The following SNCAIP variants were observed in gnomAD, a reference collection of about 807,000 sequenced individuals.
SNCAIP encodes the protein synphilin-1.
A neutral mutation model predicts 86.7 loss-of-function variants in SNCAIP; 43 were observed. The ratio of observed to expected loss-of-function variants is 0.50; its 90% CI spans 0.39 to 0.64. SNCAIP has a LOEUF of 0.64. SNCAIP is among the 30% of genes least tolerant of loss of function. The probability of loss-of-function intolerance (pLI) is 0.00; values close to 1 mark genes in which losing one functional copy is unlikely to be tolerated. For missense variants in SNCAIP, 981 were observed against 1,103.1 expected (o/e 0.89, Z 1.57); for synonymous variants, 417 against 427.2 (o/e 0.98, Z 0.29).
intron 1 of SNCAIP, among the ~76,000 whole-genome samples, chr5:122,381,033 G>A (rs1766641505): frequency 6.7e-6 from 1 of 149,798 alleles, no homozygotes; most frequent in Non-Finnish European, 1.5e-5. Flanking sequence ...TTGGGGTGGA[G>A]AGTTCTGTAG....
intron 1 of SNCAIP, among the ~76,000 whole-genome samples, chr5:122,348,782 C>T (rs1327035291): frequency 6.6e-6 from 1 of 151,974 alleles, no homozygotes; most frequent in Non-Finnish European, 1.5e-5. Context: ...ATGTCAGAAT[C>T]AAAAGATGAG....
At chr5:122,384,898 C>T (rs765723656) in intron 1 of SNCAIP, among the ~76,000 whole-genome samples, 13 of 152,182 alleles carry the variant, frequency 8.5e-5, no homozygotes, top group Admixed American at 1.3e-4. Flanking sequence ...GCTTCAAGAC[C>T]GCTTTGTAGA....
At chr5:122,363,769 A>G (rs1438060663) in intron 1 of SNCAIP, among the ~76,000 whole-genome samples, 1 of 150,556 alleles carries the variant, frequency 6.6e-6, no homozygotes, top group Non-Finnish European at 1.5e-5. Context: ...CATCTGAAAA[A>G]ATAAGCATTT....
intron 3 of SNCAIP, among the ~76,000 whole-genome samples, chr5:122,422,010 GAAAA>G (rs377501212): frequency 2.4e-5 from 1 of 42,216 alleles, no homozygotes; most frequent in Non-Finnish European, 5.0e-5. Flanking sequence ...ACAGAAATTA[GAAAA>G]AAAAAAAAAA....
chr5:122,463,423 AGTGGTATT>A, intron 10 of SNCAIP, 60 bp from the exon 11 acceptor site: 2 of 887,098 alleles, frequency 2.3e-6, no homozygotes, highest in Non-Finnish European at 1.9e-6. Context: ...TGAGCTGTTT[AGTGGTATT>A]GTCTTGTAAC....
intron 1 of SNCAIP, among the ~76,000 whole-genome samples, chr5:122,319,299 G>T (rs1299319930): frequency 6.6e-6 from 1 of 151,936 alleles, no homozygotes; most frequent in Non-Finnish European, 1.5e-5. Flanking sequence ...TTGAAATTAA[G>T]ATCAGTTTCT....
chr5:122,449,653 A>G (rs1041088808), intron 8 of SNCAIP, among the ~76,000 whole-genome samples, 192 bp from the exon 9 acceptor site: 3 of 152,182 alleles, frequency 2.0e-5, no homozygotes, highest in Non-Finnish European at 2.9e-5. Context: ...TTGACAATAC[A>G]TATCTTTTTG....
At chr5:122,450,376 G>C (rs937803550) in intron 9 of SNCAIP, among the ~76,000 whole-genome samples, 157 bp from the exon 10 acceptor site, 1 of 152,182 alleles carries the variant, frequency 6.6e-6, no homozygotes, top group African/African-American at 2.4e-5. Context: ...TGATACTATG[G>C]AGTATTTGCA....
At chr5:122,431,791 G>A (rs1778459317) in intron 5 of SNCAIP, among the ~76,000 whole-genome samples, 178 bp from the exon 6 acceptor site, 1 of 151,952 alleles carries the variant, frequency 6.6e-6, no homozygotes, top group South Asian at 2.1e-4. Flanking sequence ...TTGATTTCGA[G>A]CCAAATCCAC....
At chr5:122,430,787 A>C (rs992863778) in intron 5 of SNCAIP, among the ~76,000 whole-genome samples, 2 of 152,096 alleles carry the variant, frequency 1.3e-5, no homozygotes, top group Non-Finnish European at 2.9e-5. Context: ...GACTATAAGA[A>C]AATCCTACTC....
At chr5:122,377,152 G>A (rs1451452107) in intron 1 of SNCAIP, among the ~76,000 whole-genome samples, 1 of 152,064 alleles carries the variant, frequency 6.6e-6, no homozygotes, top group Non-Finnish European at 1.5e-5. Context: ...TTCTTAGAGA[G>A]GAAAGCTTTT....
At chr5:122,314,823 G>A (rs534462952) in intron 1 of SNCAIP, among the ~76,000 whole-genome samples, 2 of 152,148 alleles carry the variant, frequency 1.3e-5, no homozygotes, top group Non-Finnish European at 2.9e-5. Flanking sequence ...TAGGCCCTGG[G>A]AAAGTACTAA....
At chr5:122,398,621 T>A (rs1264015305) in intron 2 of SNCAIP, among the ~76,000 whole-genome samples, 1 of 152,158 alleles carries the variant, frequency 6.6e-6, no homozygotes, top group Non-Finnish European at 1.5e-5. Context: ...ACCATGGTTG[T>A]TTGGATGGCT....
chr5:122,436,476 A>G (rs1001588774), intron 6 of SNCAIP: 2 of 152,224 alleles, frequency 1.3e-5, no homozygotes, highest in Non-Finnish European at 2.9e-5. Context: ...CAAAGGAATT[A>G]TTAAGGCCAT....
intron 1 of SNCAIP, among the ~76,000 whole-genome samples, chr5:122,369,028 G>C (rs1457920629): frequency 6.6e-6 from 1 of 152,108 alleles, no homozygotes; most frequent in African/African-American, 2.4e-5. Context: ...GTGAAGGATC[G>C]TCTTTGGTCA....
intron 1 of SNCAIP, among the ~76,000 whole-genome samples, chr5:122,325,324 G>C (rs770203439): frequency 3.3e-5 from 5 of 152,112 alleles, no homozygotes; most frequent in Non-Finnish European, 7.4e-5. Context: ...GGTAGGGAGG[G>C]AGAGGTTTGG....
intron 5 of SNCAIP, among the ~76,000 whole-genome samples, chr5:122,426,865 A>G (rs1404591892): frequency 6.6e-6 from 1 of 152,242 alleles, no homozygotes; most frequent in African/African-American, 2.4e-5. Flanking sequence ...CAAGTTTACC[A>G]GGTACTGCGT....
intron 1 of SNCAIP, among the ~76,000 whole-genome samples, chr5:122,357,469 C>T (rs980932000): frequency 4.6e-5 from 7 of 151,964 alleles, no homozygotes; most frequent in South Asian, 2.1e-4. Context: ...ATCTTGACCT[C>T]GTGATCGGCC....
chr5:122,425,068 G>A (rs957449236), intron 4 of SNCAIP, among the ~76,000 whole-genome samples: 11 of 152,224 alleles, frequency 7.2e-5, no homozygotes, highest in African/African-American at 2.7e-4. Context: ...GACAATTACT[G>A]TAAATGTAAT....
Sources: allele counts gnomAD v4.1 joint callset (sites outside exome capture counted in the v4.1 genomes callset), GRCh38; gene constraint gnomAD v4.1.1; transcripts MANE v1.5; gene names NCBI Gene and HGNC (gene_info 2026-07-23, HGNC 2026-07-21).